CADM2: variants seen among roughly 807,000 people sequenced by gnomAD.
The protein encoded by CADM2 is immunoglobulin superfamily member 4D.
A neutral mutation model predicts 49.8 loss-of-function variants in CADM2; 12 were observed. That is an observed-to-expected ratio of 0.24 (90% CI 0.15 to 0.39). CADM2 has a LOEUF of 0.39. Ranked by LOEUF, CADM2 falls within the 10% of genes least tolerant of loss-of-function variation. CADM2 has a pLI of 1.00. For synonymous variants in CADM2, 214 were observed against 175.4 expected (o/e 1.22, Z -1.74); for missense variants, 378 against 492.3 (o/e 0.77, Z 2.20).
chr3:85,739,323 T>C (rs1297417854), intron 2 of CADM2, among the ~76,000 whole-genome samples: 2 of 152,084 alleles, frequency 1.3e-5, no homozygotes, highest in Admixed American at 1.3e-4. Context: ...AGTCTGAACA[T>C]TAAGTTTTAG....
In CADM2 at chr3:85,120,939, G is replaced by A. The variant is rs549895564; in HGVS notation, c.61+161271G>A. ...ACAGGGAATTCTAGTGAAACACGCTGTGAAGTACATTCCAAAAGTGATATT... is the reference window on the plus strand; with the variant it reads ...ACAGGGAATTCTAGTGAAACACGCTATGAAGTACATTCCAAAAGTGATATT... On this transcript the variant is annotated intron_variant, in intron 1 of 9. Coordinates refer to ENST00000383699, the MANE Select transcript of CADM2 (RefSeq NM_001167675.2). 2.0e-5 allele frequency among the ~76,000 whole-genome samples: 3 copies of A among 152,308 alleles called. No homozygotes were observed. The East Asian group carries it at 5.8e-4, about 29-fold the overall frequency.
intron 1 of CADM2, among the ~76,000 whole-genome samples, chr3:85,645,651 G>A (rs1346057295): frequency 6.6e-6 from 1 of 151,436 alleles, no homozygotes; most frequent in Non-Finnish European, 1.5e-5. Flanking sequence ...ATTAATCTTG[G>A]ATATAATAAA....
rs185112803 is a variant in CADM2, at chr3:85,587,553, C to A, written c.62-138969C>A. 1.0e-3 allele frequency among the ~76,000 whole-genome samples: 152 copies of A among 152,038 alleles called. 1 individual carries two copies. Among genetic ancestry groups the A allele is most frequent in the African/African-American group, 3.5e-3 (146 of 41,502 alleles). On this transcript the variant is annotated intron_variant, in intron 1 of 9. Coordinates refer to ENST00000383699, the MANE Select transcript of CADM2 (RefSeq NM_001167675.2). Reference sequence around the variant, plus strand: ...CTAGCGAGTCACACTAAATAGTCAACCCCTATGATCCTTGGGTGTACATAG... The same window carrying A: ...CTAGCGAGTCACACTAAATAGTCAAACCCTATGATCCTTGGGTGTACATAG...
At chr3:85,463,407 T>C (rs1478694231) in intron 1 of CADM2, among the ~76,000 whole-genome samples, 2 of 152,150 alleles carry the variant, frequency 1.3e-5, no homozygotes, top group African/African-American at 2.4e-5. Flanking sequence ...GAAAAATCTG[T>C]GCCTTTCAAG....
intron 1 of CADM2, among the ~76,000 whole-genome samples, chr3:85,008,562 A>T (rs1455509162): frequency 6.6e-6 from 1 of 152,122 alleles, no homozygotes; most frequent in Non-Finnish European, 1.5e-5. Flanking sequence ...AAGTGAGGGA[A>T]AAAATATAGG....
chr3:84,998,612 T>C (rs571173081), intron 1 of CADM2, among the ~76,000 whole-genome samples: 2 of 152,264 alleles, frequency 1.3e-5, no homozygotes, highest in South Asian at 4.1e-4. Flanking sequence ...TCTGTAAACA[T>C]TTTGGTAAAT....
intron 3 of CADM2, among the ~76,000 whole-genome samples, chr3:85,823,763 A>C (rs2073742713): frequency 6.6e-6 from 1 of 152,156 alleles, no homozygotes; most frequent in Non-Finnish European, 1.5e-5. Context: ...ATCTGAACTG[A>C]AAAAGTGGAT....
At chr3:85,711,514 T>C (rs980694621) in intron 1 of CADM2, among the ~76,000 whole-genome samples, 2 of 152,328 alleles carry the variant, frequency 1.3e-5, no homozygotes, top group East Asian at 1.9e-4. Context: ...CAGAACATAG[T>C]AAAGAAAACT....
chr3:85,742,100 T>C (rs1048320595), intron 2 of CADM2, among the ~76,000 whole-genome samples: 2 of 152,234 alleles, frequency 1.3e-5, no homozygotes, highest in African/African-American at 4.8e-5. Context: ...GGTCACATTA[T>C]AGAATACAAA....
chr3:85,526,554 A>T (rs2061162788), intron 1 of CADM2, among the ~76,000 whole-genome samples: 2 of 152,224 alleles, frequency 1.3e-5, no homozygotes, highest in South Asian at 4.1e-4. Flanking sequence ...TTAAAATCCA[A>T]GAATGTATCC....
At chr3:85,624,413 A>C (rs2064063923) in intron 1 of CADM2, among the ~76,000 whole-genome samples, 3 of 151,946 alleles carry the variant, frequency 2.0e-5, no homozygotes, top group South Asian at 4.2e-4. Context: ...GCTCACTGCA[A>C]CCTCCACCTC....
At chr3:85,046,762 T>A (rs1392787321) in intron 1 of CADM2, among the ~76,000 whole-genome samples, 2 of 152,050 alleles carry the variant, frequency 1.3e-5, no homozygotes, top group Non-Finnish European at 2.9e-5. Context: ...TAAAATGCTT[T>A]CCAAGGATTA....
At position 85,394,058 on chromosome 3, in the gene CADM2, G is replaced by A. The variant is rs1222531829; in HGVS notation, c.62-332464G>A. On this transcript the variant is annotated intron_variant, in intron 1 of 9. Coordinates refer to ENST00000383699, the MANE Select transcript of CADM2 (RefSeq NM_001167675.2). ...GATCCACCCGCCTCGGCCTCCCAAAGTGCTGGGATTACAGGCGTAAGCCAC... is the reference window on the plus strand; with the variant it reads ...GATCCACCCGCCTCGGCCTCCCAAAATGCTGGGATTACAGGCGTAAGCCAC... 2.0e-5 allele frequency among the ~76,000 whole-genome samples: 3 copies of A among 152,078 alleles called. No individual in the cohort carries two copies. The East Asian group carries it at 5.8e-4, about 29-fold the overall frequency.
At chr3:86,006,314 G>C (rs1454433791) in intron 8 of CADM2, among the ~76,000 whole-genome samples, 1 of 152,166 alleles carries the variant, frequency 6.6e-6, no homozygotes, top group African/African-American at 2.4e-5. Flanking sequence ...TAACAGAAAG[G>C]TGTCATCCTT....
chr3:85,316,098 A>C (rs1220066001), intron 1 of CADM2, among the ~76,000 whole-genome samples: 2 of 152,162 alleles, frequency 1.3e-5, no homozygotes, highest in Non-Finnish European at 2.9e-5. Context: ...TTCATTTGAA[A>C]TAAAACAAGA....
At chr3:86,055,452 T>C in intron 8 of CADM2, among the ~76,000 whole-genome samples, 1 of 21,770 alleles carries the variant, frequency 4.6e-5, no homozygotes, top group Admixed American at 4.8e-4. Context: ...GCATCCCCTC[T>C]TTTTTTTTTT....
chr3:85,305,640 AC>A (rs2044195424), intron 1 of CADM2, among the ~76,000 whole-genome samples: 1 of 151,646 alleles, frequency 6.6e-6, no homozygotes, highest in Non-Finnish European at 1.5e-5. Flanking sequence ...ATAAATATAA[AC>A]CTTTCCAAAA....
intron 1 of CADM2, among the ~76,000 whole-genome samples, chr3:85,018,646 C>T (rs1310670647): frequency 6.6e-6 from 1 of 152,128 alleles, no homozygotes; most frequent in Non-Finnish European, 1.5e-5. Context: ...CTCACAGATA[C>T]TTTTAAGTTG....
At chr3:85,670,329 T>G (rs1231834537) in intron 1 of CADM2, among the ~76,000 whole-genome samples, 1 of 152,198 alleles carries the variant, frequency 6.6e-6, no homozygotes, top group Non-Finnish European at 1.5e-5. Flanking sequence ...TAACACATAT[T>G]TGTTTTATTC....
Sources: gnomAD v4.1 joint callset for allele counts (sites outside exome capture counted in the v4.1 genomes callset) on GRCh38, gnomAD v4.1.1 for gene constraint, MANE v1.5 for transcripts, NCBI Gene and HGNC (gene_info 2026-07-23, HGNC 2026-07-21) for gene names.